The following SOX5 variants were observed in gnomAD, a reference collection of about 807,000 sequenced individuals.
SOX5 encodes the protein transcription factor SOX-5.
Under a neutral mutation model 92.0 loss-of-function variants are expected in SOX5, and 9 were observed. That is an observed-to-expected ratio of 0.10 (90% CI 0.06 to 0.17). SOX5 has a LOEUF of 0.17. SOX5 is among the 10% of genes least tolerant of loss of function. The probability of loss-of-function intolerance (pLI) is 1.00; values close to 1 mark genes in which losing one functional copy is unlikely to be tolerated. For synonymous variants in SOX5, 344 were observed against 336.3 expected, an observed-to-expected ratio of 1.02 and a Z score of -0.25; for missense variants, 642 against 944.5, an observed-to-expected ratio of 0.68 and a Z score of 4.20.
chr12:23,792,622 C>CAAAAAAAAAAAAAAAA (rs749845598), intron 3 of SOX5, among the ~76,000 whole-genome samples: 8 of 38,964 alleles, frequency 2.1e-4, no homozygotes, highest in African/African-American at 4.7e-4. Context: ...GGCTCTGTCT[C>CAAAAAAAAAAAAAAAA]AAAAAAAAAA....
intron 3 of SOX5, among the ~76,000 whole-genome samples, chr12:24,219,482 A>G (rs1307899478): frequency 6.6e-6 from 1 of 152,112 alleles, no homozygotes; most frequent in Non-Finnish European, 1.5e-5. Flanking sequence ...ATCAAATTTC[A>G]GCGACATAAA....
chr12:24,545,139 A>G (rs1198211345), intron 1 of SOX5, among the ~76,000 whole-genome samples: 1 of 152,168 alleles, frequency 6.6e-6, no homozygotes, highest in Non-Finnish European at 1.5e-5. Context: ...ACTGAGCAAC[A>G]CTATACCCCG....
chr12:23,978,681 CT>C (rs1231629167), intron 4 of SOX5, among the ~76,000 whole-genome samples: 1 of 151,822 alleles, frequency 6.6e-6, no homozygotes, highest in Non-Finnish European at 1.5e-5. Context: ...TTTTTTTTCA[CT>C]CTGTGTTCTG....
intron 1 of SOX5, among the ~76,000 whole-genome samples, chr12:24,397,912 C>G (rs544753171): frequency 6.6e-6 from 1 of 151,884 alleles, no homozygotes; most frequent in Non-Finnish European, 1.5e-5. Flanking sequence ...TGCAGTGGCA[C>G]GATCTCGGCT....
intron 1 of SOX5, among the ~76,000 whole-genome samples, chr12:24,508,865 A>T (rs1210416384): frequency 6.6e-6 from 1 of 152,222 alleles, no homozygotes; most frequent in African/African-American, 2.4e-5. Flanking sequence ...GCTCAGACTA[A>T]AAGGAGAACA....
intron 8 of SOX5, chr12:23,637,874 G>T (rs1165635066): frequency 6.6e-6 from 1 of 152,568 alleles, no homozygotes; most frequent in East Asian, 1.9e-4. Context: ...CCGGAGGTGG[G>T]TTGCTGGAAA....
intron 2 of SOX5, among the ~76,000 whole-genome samples, chr12:24,335,731 G>T (rs962488328): frequency 6.6e-6 from 1 of 151,786 alleles, no homozygotes; most frequent in African/African-American, 2.4e-5. Flanking sequence ...CCAGGCAAGT[G>T]ACACTTAGAA....
chr12:24,544,488 G>A (rs984114577), intron 1 of SOX5, among the ~76,000 whole-genome samples: 15 of 152,168 alleles, frequency 9.9e-5, no homozygotes, highest in African/African-American at 3.6e-4. Context: ...ATAAATTAGA[G>A]CCAGATATAC....
chr12:23,922,729 A>T (rs371651378), intron 1 of SOX5, among the ~76,000 whole-genome samples: 2 of 152,352 alleles, frequency 1.3e-5, no homozygotes, highest in Middle Eastern at 3.4e-3. Context: ...TTGAAAACTC[A>T]ATCCAATTCA....
chr12:24,195,468 C>G (rs942511441), intron 4 of SOX5, among the ~76,000 whole-genome samples: 5 of 152,102 alleles, frequency 3.3e-5, no homozygotes, highest in Non-Finnish European at 5.9e-5. Flanking sequence ...AATAATTAGG[C>G]AAAAGTTTTT....
upstream of SOX5, chr12:23,950,916 T>G: frequency 6.5e-7 from 1 of 1,532,560 alleles, no homozygotes; most frequent in South Asian, 1.2e-5. Context: ...CCGCAGCATC[T>G]GGTCAGGGAG....
chr12:23,904,526 A>G (rs1025395699), intron 1 of SOX5, among the ~76,000 whole-genome samples: 1 of 152,238 alleles, frequency 6.6e-6, no homozygotes, highest in East Asian at 1.9e-4. Context: ...AAAATTTACC[A>G]TAACATGTAA....
intron 1 of SOX5, among the ~76,000 whole-genome samples, chr12:23,946,272 A>G (rs1944578699): frequency 6.6e-6 from 1 of 151,948 alleles, no homozygotes; most frequent in Non-Finnish European, 1.5e-5. Context: ...TTCAATCCCA[A>G]CTTTTTTTCT....
At chr12:24,111,048 G>A (rs536760873) in intron 4 of SOX5, among the ~76,000 whole-genome samples, 2 of 151,944 alleles carry the variant, frequency 1.3e-5, no homozygotes, top group South Asian at 4.2e-4. Flanking sequence ...GGGAGACTGT[G>A]ATATGCATTG....
chr12:24,470,905 A>C (rs1236890441), intron 1 of SOX5, among the ~76,000 whole-genome samples: 1 of 152,230 alleles, frequency 6.6e-6, no homozygotes, highest in African/African-American at 2.4e-5. Flanking sequence ...TCAAGCACAG[A>C]ATACTGCCTG....
intron 4 of SOX5, among the ~76,000 whole-genome samples, chr12:24,031,714 AT>A (rs2136864506): frequency 6.6e-6 from 1 of 151,916 alleles, no homozygotes; most frequent in East Asian, 1.9e-4. Flanking sequence ...GTTTTTACAC[AT>A]CCTAAAGAAT....
rs563620685 is a variant in SOX5 at position 23,576,337 on chromosome 12, A to G, written c.1165-499T>C. Among the ~76,000 whole-genome samples the G allele has an allele frequency of 1.2e-4, 19 of 152,284 alleles. No individual in the cohort carries two copies. In the East Asian group the frequency reaches 3.5e-3, roughly 28 times the overall value. ...GAACTGCTCTCCAAATTCAACACGC[A>G]CACACAAGAAAATTTCTAGCTTTCT... is the stretch of plus-strand genomic sequence containing the variant. On this transcript the variant is annotated intron_variant, in intron 9 of 14. Coordinates refer to ENST00000451604, the MANE Select transcript of SOX5 (RefSeq NM_006940.6).
chr12:24,367,463 A>G (rs1565999818), intron 2 of SOX5, among the ~76,000 whole-genome samples: 1 of 152,210 alleles, frequency 6.6e-6, no homozygotes, highest in South Asian at 2.1e-4. Context: ...CTTTAAGTTT[A>G]CATGGGCATC....
intron 1 of SOX5, among the ~76,000 whole-genome samples, chr12:24,491,841 C>T (rs1210997681): frequency 1.3e-5 from 2 of 152,018 alleles, no homozygotes; most frequent in African/African-American, 2.4e-5. Flanking sequence ...TAGGAATATG[C>T]CGTTTCACAC....
Sources: gnomAD v4.1 joint callset for allele counts (sites outside exome capture counted in the v4.1 genomes callset) on GRCh38, gnomAD v4.1.1 for gene constraint, MANE v1.5 for transcripts, NCBI Gene and HGNC (gene_info 2026-07-23, HGNC 2026-07-21) for gene names.